The following ZNF599 variants were observed in gnomAD, a reference collection of about 807,000 sequenced individuals.
ZNF599 encodes the protein zinc finger protein 599.
In ZNF599, 10 loss-of-function variants were observed where a neutral mutation model predicts 11.7. The observed-to-expected ratio is 0.86, with a 90% CI of 0.53 to 1.45. The LOEUF (loss-of-function observed/expected upper bound fraction) is 1.45. ZNF599 is among the 40% of genes most tolerant of loss of function. The pLI is 0.00. For missense variants in ZNF599, 688 were observed against 713.6 expected (o/e 0.96, Z 0.41); for synonymous variants, 232 against 253.2 (o/e 0.92, Z 0.79).
Position 34,760,332 on chromosome 19 carries a change from AATC to A in ZNF599, c.466_468del (p.Asp156del). On this transcript the variant is annotated inframe_deletion, in exon 4 of 4. Coordinates refer to ENST00000329285, the MANE Select transcript of ZNF599 (RefSeq NM_001007248.3). The stretch of plus-strand genomic sequence containing the variant: ...AAGCCCAGACTATCATCTGGCTCCA[AATC>A]ATCATGTTTATAACTCAACTTCTCA... 1 of 1,614,092 alleles carries A rather than the reference AATC, an allele frequency of 6.2e-7. No individual in the cohort carries two copies. Among genetic ancestry groups the A allele is most frequent in the Non-Finnish European group, 8.5e-7 (1 of 1,180,006 alleles).
At chr19:34,805,153 A>G in the ZNF599 span, among the ~76,000 whole-genome samples, 2 of 150,366 alleles carry the variant, frequency 1.3e-5, no homozygotes, top group Non-Finnish European at 2.9e-5. Context: ...CTGCTCACCT[A>G]TGACACTTCC....
At chr19:34,788,814 C>T in the ZNF599 span, 1 of 152,138 alleles carries the variant, frequency 6.6e-6, no homozygotes, top group African/African-American at 2.4e-5. Context: ...TTCTAAGACT[C>T]TTTTTAAAAG....
the ZNF599 span, among the ~76,000 whole-genome samples, chr19:34,801,825 AC>A: frequency 6.6e-6 from 1 of 152,236 alleles, no homozygotes; most frequent in African/African-American, 2.4e-5. Flanking sequence ...GCAGCCCTTC[AC>A]GAAAAAGCTC....
chr19:34,806,850 C>T, the ZNF599 span, among the ~76,000 whole-genome samples: 3 of 152,284 alleles, frequency 2.0e-5, no homozygotes, highest in East Asian at 1.9e-4. Context: ...AAATCTATGG[C>T]GGCCAAGCTG....
chr19:34,804,816 C>T, the ZNF599 span, among the ~76,000 whole-genome samples: 2 of 152,214 alleles, frequency 1.3e-5, no homozygotes, highest in African/African-American at 2.4e-5. Context: ...AGCTCCAAGT[C>T]TGCCTTTCTT....
At chr19:34,790,097 T>C in the ZNF599 span, among the ~76,000 whole-genome samples, 13 of 152,368 alleles carry the variant, frequency 8.5e-5, no homozygotes, top group East Asian at 2.5e-3. Flanking sequence ...ACACCATTTA[T>C]TGAAGAGACT....
chr19:34,762,240 T>C (rs565050011), intron 3 of ZNF599, among the ~76,000 whole-genome samples: 3 of 152,208 alleles, frequency 2.0e-5, no homozygotes, highest in African/African-American at 7.2e-5. Flanking sequence ...TAAGAAGTGT[T>C]CACCTTTCTT....
chr19:34,787,834 T>G, the ZNF599 span, among the ~76,000 whole-genome samples: 1 of 152,182 alleles, frequency 6.6e-6, no homozygotes, highest in Non-Finnish European at 1.5e-5. Context: ...AGAAAGGGGA[T>G]TCCTAAGCAC....
the ZNF599 span, among the ~76,000 whole-genome samples, chr19:34,792,728 T>C: frequency 6.6e-6 from 1 of 151,938 alleles, no homozygotes; most frequent in Non-Finnish European, 1.5e-5. Context: ...CTGGGCGTGG[T>C]GGCGGGTGCC....
upstream of ZNF599, among the ~76,000 whole-genome samples, chr19:34,775,426 T>G (rs2069213473): frequency 6.6e-6 from 1 of 152,164 alleles, no homozygotes; most frequent in Non-Finnish European, 1.5e-5. Context: ...TCCATGTATA[T>G]GAAGTGTGCA....
At chr19:34,777,697 T>C (rs1302156856), upstream of ZNF599, among the ~76,000 whole-genome samples, 2 of 149,214 alleles carry the variant, frequency 1.3e-5, no homozygotes, top group African/African-American at 5.0e-5. Context: ...CCAGAGAGCA[T>C]TATGCTCAGT....
At chr19:34,769,699 G>A in intron 1 of ZNF599, 144 bp from the exon 2 acceptor site, 1 of 968,054 alleles carries the variant, frequency 1.0e-6, no homozygotes, top group South Asian at 1.7e-5. Context: ...GAGGCAGATG[G>A]TGCCGCTGAC....
At chr19:34,761,570 T>G (rs1179379986) in intron 3 of ZNF599, among the ~76,000 whole-genome samples, 1 of 152,200 alleles carries the variant, frequency 6.6e-6, no homozygotes. Flanking sequence ...GCAGTGTGAT[T>G]AGGCATAGAT....
intron 3 of ZNF599, chr19:34,764,053 G>A (rs2069127906): frequency 6.6e-6 from 1 of 152,240 alleles, no homozygotes; most frequent in Non-Finnish European, 1.5e-5. Flanking sequence ...CTGCACACTA[G>A]CCTAGGCGAC....
chr19:34,793,269 A>G, the ZNF599 span, among the ~76,000 whole-genome samples: 33 of 152,282 alleles, frequency 2.2e-4, no homozygotes, highest in Middle Eastern at 3.4e-3. Flanking sequence ...AGCTTCCTAG[A>G]GGGAAGCCAA....
the ZNF599 span, among the ~76,000 whole-genome samples, chr19:34,796,096 C>T: frequency 1.3e-5 from 2 of 152,310 alleles, no homozygotes; most frequent in Middle Eastern, 3.4e-3. Flanking sequence ...GCTGGTTTTA[C>T]AGGCGTGAGC....
intron 3 of ZNF599, among the ~76,000 whole-genome samples, chr19:34,766,034 C>A (rs1459978051): frequency 2.0e-5 from 3 of 152,074 alleles, no homozygotes; most frequent in Non-Finnish European, 4.4e-5. Flanking sequence ...TTGTTTTTAG[C>A]CTTCTCCACT....
chr19:34,785,874 A>T, the ZNF599 span, among the ~76,000 whole-genome samples: 5 of 152,180 alleles, frequency 3.3e-5, no homozygotes, highest in African/African-American at 1.2e-4. Flanking sequence ...GGAGAAACAG[A>T]TACAGGTCAC....
chr19:34,782,147 T>A, the ZNF599 span, among the ~76,000 whole-genome samples: 2 of 152,214 alleles, frequency 1.3e-5, no homozygotes, highest in Non-Finnish European at 2.9e-5. Flanking sequence ...TGTCATGGTG[T>A]CTGCTCTGTT....
Sources: gnomAD v4.1 joint callset for allele counts (sites outside exome capture counted in the v4.1 genomes callset) on GRCh38, gnomAD v4.1.1 for gene constraint, MANE v1.5 for transcripts, NCBI Gene and HGNC (gene_info 2026-07-23, HGNC 2026-07-21) for gene names.